PMPCB: variants seen among roughly 807,000 people sequenced by gnomAD.
PMPCB encodes the protein peptidase, mitochondrial processing subunit beta.
Under a neutral mutation model 61.5 loss-of-function variants are expected in PMPCB, and 46 were observed. That is an observed-to-expected ratio of 0.75 (90% CI 0.59 to 0.96). The LOEUF (loss-of-function observed/expected upper bound fraction) is 0.96, where lower values mean the gene tolerates loss of function less well. PMPCB is among the 40% of genes least tolerant of loss of function. The probability of loss-of-function intolerance (pLI) is 0.00; values close to 1 mark genes in which losing one functional copy is unlikely to be tolerated. For missense variants in PMPCB, 590 were observed against 602.4 expected (o/e 0.98, Z 0.22); for synonymous variants, 191 against 201.6 (o/e 0.95, Z 0.44).
At chr7:103,345,698 C>G in the PMPCB span, among the ~76,000 whole-genome samples, 2 of 151,604 alleles carry the variant, frequency 1.3e-5, no homozygotes, top group East Asian at 3.9e-4. Context: ...TCAAGGGATC[C>G]TCCTGCCTCA....
intron 12 of PMPCB, chr7:103,324,519 A>G: frequency 6.7e-7 from 1 of 1,497,108 alleles, no homozygotes; most frequent in Non-Finnish European, 9.0e-7. Flanking sequence ...TCAAATGATG[A>G]ATTCATATCA....
chr7:103,305,555 G>C (rs1817553557), intron 6 of PMPCB, among the ~76,000 whole-genome samples: 1 of 152,020 alleles, frequency 6.6e-6, no homozygotes, highest in African/African-American at 2.4e-5. Context: ...CACCGCACCT[G>C]GTCTCCAGTT....
intron 12 of PMPCB, chr7:103,327,858 C>A: frequency 1.6e-6 from 1 of 639,024 alleles, no homozygotes; most frequent in Non-Finnish European, 2.7e-6. Flanking sequence ...ATATTAGAAT[C>A]TTTTCTCCCA....
the PMPCB span, chr7:103,337,819 A>C: frequency 6.2e-7 from 1 of 1,611,092 alleles, no homozygotes; most frequent in Admixed American, 1.7e-5. Flanking sequence ...GTTCTGGAAA[A>C]AAAACACAAA....
chr7:103,312,556 A>G lies in PMPCB; in HGVS notation c.*285A>G. The G allele has an allele frequency of 6.2e-7, 1 of 1,603,866 alleles. No homozygotes were observed. The highest frequency in any genetic ancestry group is 8.5e-7 in the Non-Finnish European group (1 of 1,177,150). On this transcript the variant is annotated 3_prime_UTR_variant, in exon 13 of 13. Transcript: ENST00000249269. ...TCAGTTTTATTATAAAAATGCACAC[A>G]CAACAAAGATTGTCATTTCTTGGCT... is the stretch of plus-strand genomic sequence containing the variant.
At chr7:103,340,744 G>A in the PMPCB span, among the ~76,000 whole-genome samples, 6 of 152,164 alleles carry the variant, frequency 3.9e-5, no homozygotes, top group Non-Finnish European at 8.8e-5. Flanking sequence ...TTTGTCCCTT[G>A]CTGTTGTCAT....
chr7:103,328,509 T>G (rs1410799421), intron 12 of PMPCB, among the ~76,000 whole-genome samples: 1 of 152,020 alleles, frequency 6.6e-6, no homozygotes, highest in African/African-American at 2.4e-5. Context: ...TGCATGCCTG[T>G]GGTCCCAGCT....
At chr7:103,336,605 CAA>C in the PMPCB span, 1 of 152,232 alleles carries the variant, frequency 6.6e-6, no homozygotes, top group African/African-American at 2.4e-5. Context: ...CTCGGCCTCC[CAA>C]AGTGTTGGGA....
exon 13 of PMPCB, chr7:103,329,045 A>G (rs970549052): frequency 3.3e-6 from 4 of 1,202,448 alleles, no homozygotes; most frequent in Middle Eastern, 4.5e-4. Context: ...CAGCCACAGT[A>G]CGTCTAATTA....
At chr7:103,304,596 A>G in intron 6 of PMPCB, 106 bp downstream of exon 6, 1 of 767,654 alleles carries the variant, frequency 1.3e-6, no homozygotes, top group Non-Finnish European at 2.4e-6. Context: ...TCATTTACAT[A>G]GCAAATAACT....
chr7:103,335,930 G>A, the PMPCB span: 1 of 152,326 alleles, frequency 6.6e-6, no homozygotes, highest in Non-Finnish European at 1.5e-5. Flanking sequence ...CATTCTGGGA[G>A]GCCGATGTGG....
At chr7:103,320,887 T>C (rs1013463622) in intron 12 of PMPCB, 2 of 165,288 alleles carry the variant, frequency 1.2e-5, no homozygotes, top group Non-Finnish European at 2.5e-5. Context: ...TACATTTGCA[T>C]AGTAAAGAAA....
chr7:103,310,331 T>A lies in PMPCB; in HGVS notation c.1010T>A (p.Leu337Gln). ...TCCTTGCAGAATTTATCTAGCAAGC[T>A]GGCCCAGCTCACTTGTCATGGCAAT... ...FGGGMNLSSK[L>Q]AQLTCHGNLC... Residue 337 changes from leucine (L) to glutamine (Q), a missense_variant, in exon 9 of 13, where the codon CTG (leucine) becomes CAG (glutamine). By Grantham distance (113) the Leu-to-Gln change is moderately radical. Coordinates refer to ENST00000249269, the MANE Select transcript of PMPCB (RefSeq NM_004279.3). 1 of 1,612,462 alleles carries A rather than the reference T, an allele frequency of 6.2e-7. No homozygotes were observed. Among genetic ancestry groups the A allele is most frequent in the Non-Finnish European group, 8.5e-7 (1 of 1,179,432 alleles).
rs1817319356 is a variant in PMPCB, at chr7:103,297,577, C to G, written c.99+19C>G. 6.2e-7 allele frequency: 1 copy of G among 1,611,952 alleles called. No homozygotes were observed. The highest frequency in any genetic ancestry group is 1.3e-5 in the African/African-American group (1 of 74,898). ...GGGACGGGTGAGCTTCCCTCCAGGC[C>G]GGTCCTGTCCTCGAGATCTCGCCAG... On this transcript the variant is annotated intron_variant, in intron 1 of 12. Coordinates refer to ENST00000249269, the MANE Select transcript of PMPCB (RefSeq NM_004279.3).
chr7:103,339,806 C>CACATAACAGTCAATCTTTCTGA, the PMPCB span, among the ~76,000 whole-genome samples: 1 of 151,668 alleles, frequency 6.6e-6, no homozygotes, highest in Admixed American at 6.6e-5. Flanking sequence ...ATGTGATTGA[C>CACATAACAGTCAATCTTTCTGA]CTCTTTCTGA....
chr7:103,319,558 A>G (rs1229094102), downstream of PMPCB: 1 of 1,561,222 alleles, frequency 6.4e-7, no homozygotes, highest in Non-Finnish European at 8.8e-7. Flanking sequence ...AAACAGGTCA[A>G]AGCAGAATTA....
In PMPCB at chr7:103,311,801, T is replaced by C. The variant is rs779066951; in HGVS notation, c.1241-7T>C. ...CCAATAGTTAATTTTTCCTTCTCTT[T>C]AAACAGGTTCAACTCCAATTTGTGA... On this transcript the variant is annotated splice_region_variant and splice_polypyrimidine_tract_variant and intron_variant, in intron 10 of 12. Coordinates refer to ENST00000249269, the MANE Select transcript of PMPCB (RefSeq NM_004279.3). The C allele has an allele frequency of 7.5e-6, 12 of 1,609,916 alleles. No homozygotes were observed. In the East Asian group the frequency reaches 1.8e-4, roughly 24 times the overall value.
At position 103,313,830 on chromosome 7, in the gene PMPCB, AAAAGTAGAATG is replaced by A; in HGVS notation, c.*1560_*1570del. 1.0e-6 allele frequency: 1 copy of A among 985,206 alleles called. No homozygotes were observed. The allele number at this position is 985,206 out of a possible 1,614,324, so 61.0% of individuals were successfully genotyped here. ...TATTACACAGTCCACTTGTGTAGGT[AAAAGTAGAATG>A]TTAAGTGGTAGAAAGCTGATTTGGT... On this transcript the variant is annotated 3_prime_UTR_variant, in exon 13 of 13. Coordinates refer to ENST00000249269, the MANE Select transcript of PMPCB (RefSeq NM_004279.3).
At chr7:103,331,250 G>A (rs763828247), downstream of PMPCB, among the ~76,000 whole-genome samples, 2 of 152,204 alleles carry the variant, frequency 1.3e-5, no homozygotes, top group African/African-American at 2.4e-5. Flanking sequence ...GAGCCACTGT[G>A]CCTGGCTCAT....
Sources: gnomAD v4.1 joint callset for allele counts (sites outside exome capture counted in the v4.1 genomes callset) on GRCh38, gnomAD v4.1.1 for gene constraint, MANE v1.5 for transcripts, NCBI Gene and HGNC (gene_info 2026-07-23, HGNC 2026-07-21) for gene names.